THRB: variants seen among roughly 807,000 people sequenced by gnomAD.
THRB encodes the protein nuclear receptor subfamily 1 group A member 2.
THRB carries 12 observed loss-of-function variants against 47.8 expected under a neutral mutation model. The observed-to-expected ratio is 0.25, with a 90% CI of 0.16 to 0.41. The LOEUF (loss-of-function observed/expected upper bound fraction) is 0.41, where lower values mean the gene tolerates loss of function less well. Ranked by LOEUF, THRB falls within the 10% of genes least tolerant of loss-of-function variation. The probability of loss-of-function intolerance (pLI) is 1.00; values close to 1 mark genes in which losing one functional copy is unlikely to be tolerated. For missense variants in THRB, 348 were observed against 589.2 expected, an observed-to-expected ratio of 0.59 and a Z score of 4.24; for synonymous variants, 218 against 212.2, an observed-to-expected ratio of 1.03 and a Z score of -0.24.
chr3:24,422,613 G>A (rs549765355), intron 1 of THRB, among the ~76,000 whole-genome samples: 11 of 151,982 alleles, frequency 7.2e-5, no homozygotes, highest in East Asian at 5.9e-4. Context: ...ACAGATGTGC[G>A]TGGCGAATGT....
intron 2 of THRB, among the ~76,000 whole-genome samples, chr3:24,308,367 G>T (rs991595093): frequency 1.3e-5 from 2 of 152,292 alleles, no homozygotes; most frequent in Middle Eastern, 3.4e-3. Context: ...ACAATACAAG[G>T]TTAGGGTGTT....
At chr3:24,311,389 A>T (rs1695412940) in intron 2 of THRB, among the ~76,000 whole-genome samples, 3 of 152,200 alleles carry the variant, frequency 2.0e-5, no homozygotes, top group East Asian at 1.9e-4. Flanking sequence ...GAGGGCTTCA[A>T]TGGTTCTCTA....
chr3:24,318,690 T>C (rs1024817367), intron 2 of THRB, among the ~76,000 whole-genome samples: 2 of 152,214 alleles, frequency 1.3e-5, no homozygotes, highest in South Asian at 2.1e-4. Flanking sequence ...CTGGATATTA[T>C]TGAACAGACA....
chr3:24,324,120 A>G (rs1011219571), intron 2 of THRB, among the ~76,000 whole-genome samples: 2 of 152,106 alleles, frequency 1.3e-5, no homozygotes, highest in Non-Finnish European at 2.9e-5. Context: ...CTCAGTTTCA[A>G]CTGAGTCACA....
chr3:24,358,643 T>C (rs577749389), intron 1 of THRB, among the ~76,000 whole-genome samples: 1 of 152,148 alleles, frequency 6.6e-6, no homozygotes, highest in Non-Finnish European at 1.5e-5. Flanking sequence ...CCTACTTCTG[T>C]GTTGGTATGA....
At chr3:24,159,315 T>C (rs1369197497) in intron 5 of THRB, among the ~76,000 whole-genome samples, 1 of 152,210 alleles carries the variant, frequency 6.6e-6, no homozygotes, top group African/African-American at 2.4e-5. Flanking sequence ...TGCAGTCACA[T>C]GGATGTGCGC....
At chr3:24,373,484 G>C (rs1450963107) in intron 1 of THRB, among the ~76,000 whole-genome samples, 1 of 152,002 alleles carries the variant, frequency 6.6e-6, no homozygotes, top group African/African-American at 2.4e-5. Flanking sequence ...ACTTCTGGCT[G>C]CCTGAACAAG....
intron 3 of THRB, among the ~76,000 whole-genome samples, chr3:24,268,484 A>G (rs1002188532): frequency 6.6e-6 from 1 of 152,232 alleles, no homozygotes; most frequent in Non-Finnish European, 1.5e-5. Flanking sequence ...TTTTAATTTT[A>G]TGGGGATCTT....
At chr3:24,132,275 G>C (rs1209866939) in intron 9 of THRB, among the ~76,000 whole-genome samples, 1 of 152,126 alleles carries the variant, frequency 6.6e-6, no homozygotes, top group African/African-American at 2.4e-5. Flanking sequence ...CCTCTTGAAG[G>C]TATACAGAGC....
intron 1 of THRB, among the ~76,000 whole-genome samples, chr3:24,433,954 T>A (rs573602707): frequency 5.5e-4 from 84 of 152,292 alleles, no homozygotes; most frequent in African/African-American, 2.0e-3. Flanking sequence ...AGAGGCTTGA[T>A]TGTTCCAGCT....
intron 1 of THRB, among the ~76,000 whole-genome samples, chr3:24,360,313 T>C (rs112309977): frequency 0.021 from 3,138 of 152,254 alleles, 43 homozygotes; most frequent in African/African-American, 0.038. Flanking sequence ...TAGCAAAGTC[T>C]ATTCACTACA....
chr3:24,345,022 A>AT (rs2062920168), intron 1 of THRB, among the ~76,000 whole-genome samples: 1 of 152,126 alleles, frequency 6.6e-6, no homozygotes, highest in Non-Finnish European at 1.5e-5. Context: ...ATCCTGGATG[A>AT]AGCCAAGGTT....
chr3:24,220,018 A>AT (rs972657193), intron 4 of THRB, among the ~76,000 whole-genome samples: 4 of 152,312 alleles, frequency 2.6e-5, no homozygotes, highest in African/African-American at 9.6e-5. Context: ...AGACACTGGT[A>AT]TTTTTTAACA....
intron 7 of THRB, 111 bp downstream of exon 7, chr3:24,146,564 T>G: frequency 8.6e-7 from 1 of 1,163,280 alleles, no homozygotes; most frequent in Non-Finnish European, 1.3e-6. Flanking sequence ...AGGTATTCCC[T>G]TCTCTGTCTT....
intron 1 of THRB, among the ~76,000 whole-genome samples, chr3:24,392,867 A>C (rs1410294439): frequency 6.6e-6 from 1 of 152,104 alleles, no homozygotes; most frequent in African/African-American, 2.4e-5. Flanking sequence ...TCCTCTTTTG[A>C]TATGGGGAAT....
upstream of THRB, chr3:24,495,267 G>A (rs1698862955): frequency 1.3e-5 from 2 of 149,342 alleles, no homozygotes; most frequent in Admixed American, 1.3e-4. Context: ...CTCCGCCAGG[G>A]GCGCAGCGAG....
intron 1 of THRB, among the ~76,000 whole-genome samples, chr3:24,358,204 T>C (rs1441749150): frequency 2.0e-5 from 3 of 152,180 alleles, no homozygotes; most frequent in African/African-American, 7.2e-5. Context: ...TGAGCCCTTG[T>C]CATTTGTGTT....
chr3:24,236,053 A>G (rs1265171108), intron 3 of THRB, among the ~76,000 whole-genome samples: 1 of 152,150 alleles, frequency 6.6e-6, no homozygotes, highest in Non-Finnish European at 1.5e-5. Context: ...CTGTCCCCCT[A>G]GGTGGGCTGC....
At position 24,238,291 on chromosome 3, in the gene THRB, G is replaced by A. The variant is rs78269055; in HGVS notation, c.-42-9290C>T. 5.6e-5 allele frequency among the ~76,000 whole-genome samples: 6 copies of A among 107,566 alleles called. 1 individual carries two copies. Among genetic ancestry groups the A allele is most frequent in the South Asian group, 3.3e-4 (1 of 3,002 alleles). 70.6% of individuals were successfully genotyped at this position (107,566 alleles called of 152,430 possible). On this transcript the variant is annotated intron_variant, in intron 3 of 10. Coordinates refer to ENST00000646209, the MANE Select transcript of THRB (RefSeq NM_001354712.2). ...TGTGTGTGTGTGTGGGGGGGGGGGG[G>A]GTGTGTGGGGTGTGTGTGTGATGAA... is the stretch of plus-strand genomic sequence containing the variant.
Sources: allele counts gnomAD v4.1 joint callset (sites outside exome capture counted in the v4.1 genomes callset), GRCh38; gene constraint gnomAD v4.1.1; transcripts MANE v1.5; gene names NCBI Gene and HGNC (gene_info 2026-07-23, HGNC 2026-07-21).